The following FAT4 variants were observed in gnomAD, a reference collection of about 807,000 sequenced individuals.
The protein encoded by FAT4 is protocadherin Fat 4.
A neutral mutation model predicts 303.9 loss-of-function variants in FAT4; 84 were observed. That is an observed-to-expected ratio of 0.28 (90% CI 0.23 to 0.33). The LOEUF (loss-of-function observed/expected upper bound fraction) is 0.33. FAT4 is among the 10% of genes least tolerant of loss of function. The pLI is 1.00. For missense variants in FAT4, 6,005 were observed against 6,146.8 expected (o/e 0.98, Z 0.77); for synonymous variants, 2,307 against 2,298.8 (o/e 1.00, Z -0.10).
At position 125,449,078 on chromosome 4, in the gene FAT4, C is replaced by G; in HGVS notation, c.8068C>G (p.Leu2690Val). 1 of 1,613,878 alleles carries G rather than the reference C, an allele frequency of 6.2e-7. No individual in the cohort carries two copies. Among genetic ancestry groups the G allele is most frequent in the Admixed American group, 1.7e-5 (1 of 59,994 alleles). The change falls in exon 10 of 18, where the codon CTT becomes GTT. Residue 2690 changes from leucine (L) to valine (V), a missense_variant. Physicochemically the swap from Leu to Val is conservative, Grantham distance 32. Transcript: ENST00000394329. ...ILENLSPRKI[L>V]TVSAMDKDSG... ...GGAAAACCTTTCCCCTCGAAAAATA[C>G]TTACTGTTTCGGCAATGGACAAGGA... is the stretch of plus-strand genomic sequence containing the variant.
intron 6 of FAT4, 44 bp from the exon 7 acceptor site, chr4:125,416,404 G>A: frequency 1.3e-6 from 2 of 1,481,718 alleles, no homozygotes; most frequent in Non-Finnish European, 1.8e-6. Context: ...TTCATGAGAT[G>A]CATTGTTTGT....
chr4:125,412,936 A>C (rs997153941), intron 5 of FAT4, among the ~76,000 whole-genome samples: 5 of 151,796 alleles, frequency 3.3e-5, no homozygotes, highest in Non-Finnish European at 7.4e-5. Context: ...TTACTGATGA[A>C]CTTTTTTGTA....
At chr4:125,389,847 A>G (rs936756509) in intron 2 of FAT4, among the ~76,000 whole-genome samples, 13 of 152,236 alleles carry the variant, frequency 8.5e-5, no homozygotes, top group Non-Finnish European at 1.9e-4. Context: ...GCATACCTAC[A>G]TAGTCCAAAC....
In FAT4 at chr4:125,319,408, C is replaced by G; in HGVS notation, c.2997C>G (p.Leu999=). The change falls in exon 2 of 18, where the codon CTC becomes CTG. Residue 999 remains leucine, a synonymous_variant. Coordinates refer to ENST00000394329, the MANE Select transcript of FAT4 (RefSeq NM_001291303.3). The part of the protein sequence containing the change: ...VNDNSPVFDQ[L]SYEVTLSESE... ...ACAATTCACCAGTGTTTGACCAACT[C>G]TCTTATGAAGTCACCCTTTCTGAGT... is the stretch of plus-strand genomic sequence containing the variant. The G allele has an allele frequency of 6.2e-7, 1 of 1,613,542 alleles. No homozygotes were observed. The highest frequency in any genetic ancestry group is 8.5e-7 in the Non-Finnish European group (1 of 1,179,852).
At chr4:125,476,478 G>T (rs1578688079) in intron 13 of FAT4, among the ~76,000 whole-genome samples, 1 of 152,116 alleles carries the variant, frequency 6.6e-6, no homozygotes, top group Non-Finnish European at 1.5e-5. Context: ...TTGGAGAAAA[G>T]GAAATTAAAT....
rs1351895099 is a variant in FAT4, at chr4:125,452,184, A to G, written c.11174A>G (p.Lys3725Arg). Residue 3725 changes from lysine (K) to arginine (R), a missense_variant, in exon 10 of 18, where the codon AAG (lysine) becomes AGG (arginine). Lys to Arg is a conservative substitution (Grantham distance 26). Coordinates refer to ENST00000394329, the MANE Select transcript of FAT4 (RefSeq NM_001291303.3). Reference protein sequence around the residue: ...ILLRLGVPTVKDFLTNHYLHF... With the variant: ...ILLRLGVPTVRDFLTNHYLHF... ...CTTCGTCTCGGCGTACCAACAGTAA[A>G]GGACTTCTTGACCAACCACTATCTT... 4 of 1,614,128 alleles carry G rather than the reference A, an allele frequency of 2.5e-6. No individual in the cohort carries two copies. In the African/African-American group the frequency reaches 5.3e-5, roughly 22 times the overall value.
chr4:125,348,336 G>A (rs1732086296), intron 2 of FAT4, among the ~76,000 whole-genome samples: 1 of 151,628 alleles, frequency 6.6e-6, no homozygotes, highest in Admixed American at 6.6e-5. Flanking sequence ...AAAATAGTAG[G>A]GTGCCCACAT....
In FAT4 at chr4:125,481,741, G is replaced by A. The variant is rs759341848; in HGVS notation, c.12822+3G>A. 13 of 1,613,166 alleles carry A rather than the reference G, an allele frequency of 8.1e-6. No homozygotes were observed. Among genetic ancestry groups the A allele is most frequent in the Non-Finnish European group, 3.4e-6 (4 of 1,179,302 alleles). On this transcript the variant is annotated splice_donor_region_variant and intron_variant, in intron 16 of 17. Transcript: ENST00000394329. Reference sequence around the variant, plus strand: ...GCAGCAATTACACTACTGTGAAGGTGAGATAAAAGCTAATGGTGACTTCAT... The same window carrying A: ...GCAGCAATTACACTACTGTGAAGGTAAGATAAAAGCTAATGGTGACTTCAT...
rs752356296 is a variant in FAT4 at position 125,317,537 on chromosome 4, G to C, written c.1126G>C (p.Val376Leu). 2 of 1,613,930 alleles carry C rather than the reference G, an allele frequency of 1.2e-6. No homozygotes were observed. Among genetic ancestry groups the C allele is most frequent in the Middle Eastern group, 1.6e-4 (1 of 6,062 alleles). ...SVDENAQVGT[V>L]VALLTVTDAD... Reference sequence around the variant, plus strand: ...AGATGAGAATGCTCAAGTGGGCACCGTGGTGGCTCTGCTCACCGTGACGGA... The same window carrying C: ...AGATGAGAATGCTCAAGTGGGCACCCTGGTGGCTCTGCTCACCGTGACGGA... Residue 376 changes from valine (V) to leucine (L), a missense_variant, in exon 2 of 18, where the codon GTG becomes CTG. Physicochemically the swap from Val to Leu is conservative, Grantham distance 32. Transcript: ENST00000394329. This position sits in a 1 kb window ranked among gnomAD's most constrained non-coding sequence, Gnocchi z 7.0.
chr4:125,401,204 ACT>A (rs1193132524), intron 3 of FAT4, among the ~76,000 whole-genome samples: 24 of 151,996 alleles, frequency 1.6e-4, no homozygotes, highest in Non-Finnish European at 2.5e-4. Flanking sequence ...ACTGACTATA[ACT>A]CTTGACACGA....
At position 125,415,452 on chromosome 4, in the gene FAT4, T is replaced by G. The variant is rs1429754500; in HGVS notation, c.6489T>G (p.Ile2163Met). ...IFAQALYKVE[I>M]NENTLTGTDI... Reference sequence around the variant, plus strand: ...CACAAGCTTTGTATAAAGTGGAGATTAATGAAAACACACTTACTGGAACAG... The same window carrying G: ...CACAAGCTTTGTATAAAGTGGAGATGAATGAAAACACACTTACTGGAACAG... Residue 2163 changes from isoleucine to methionine, a missense_variant, in exon 6 of 18, where the codon ATT becomes ATG. Coordinates refer to ENST00000394329, the MANE Select transcript of FAT4 (RefSeq NM_001291303.3). The G allele has an allele frequency of 6.2e-7, 1 of 1,614,072 alleles. No individual in the cohort carries two copies. Among genetic ancestry groups the G allele is most frequent in the Non-Finnish European group, 8.5e-7 (1 of 1,179,980 alleles).
At chr4:125,439,248 C>G (rs1291057481) in intron 8 of FAT4, among the ~76,000 whole-genome samples, 3 of 152,110 alleles carry the variant, frequency 2.0e-5, no homozygotes, top group Non-Finnish European at 4.4e-5. Flanking sequence ...TCTATTCAAG[C>G]CCCACTTCTA....
rs762694598 is a variant in FAT4 at position 125,446,326 on chromosome 4, G to A, written c.7233G>A (p.Thr2411=). 2.8e-5 allele frequency: 45 copies of A among 1,612,976 alleles called. No individual in the cohort carries two copies. In the East Asian group the frequency reaches 4.7e-4, roughly 17 times the overall value. ...TCATCGGTGGAAACTCTCAGTTCACGATCAACCCATCGACAGGACAAATCA... is the reference window on the plus strand; with the variant it reads ...TCATCGGTGGAAACTCTCAGTTCACAATCAACCCATCGACAGGACAAATCA... The part of the protein sequence containing the change: ...YRIIGGNSQF[T]INPSTGQIIT... The change falls in exon 9 of 18, where the codon ACG becomes ACA. Residue 2411 remains threonine, a synonymous_variant. Transcript: ENST00000394329.
chr4:125,459,554 G>A (rs1019143011), intron 10 of FAT4, among the ~76,000 whole-genome samples: 1 of 152,010 alleles, frequency 6.6e-6, no homozygotes, highest in African/African-American at 2.4e-5. Flanking sequence ...ATGATAAATA[G>A]TGTATGGCAA....
At chr4:125,386,424 C>T (rs980811993) in intron 2 of FAT4, among the ~76,000 whole-genome samples, 1 of 151,990 alleles carries the variant, frequency 6.6e-6, no homozygotes, top group African/African-American at 2.4e-5. Flanking sequence ...ATTACAGGTG[C>T]ACACCTGGCT....
At position 125,450,126 on chromosome 4, in the gene FAT4, A is replaced by G. The variant is rs770247312; in HGVS notation, c.9116A>G (p.Asp3039Gly). The change falls in exon 10 of 18, where the codon GAT (aspartate) becomes GGT (glycine). Residue 3039 changes from aspartate to glycine, a missense_variant. By Grantham distance (94) the Asp-to-Gly change is moderately conservative. Transcript: ENST00000394329. ...TTAGGAAAATTTAAGTTGGACAATGATACGGGGTGGATTTCAGTAGCATCC... is the reference window on the plus strand; with the variant it reads ...TTAGGAAAATTTAAGTTGGACAATGGTACGGGGTGGATTTCAGTAGCATCC... ...NHLGKFKLDN[D>G]TGWISVASSL... The G allele has an allele frequency of 6.2e-7, 1 of 1,613,686 alleles. No homozygotes were observed.
At chr4:125,446,646 C>G in intron 9 of FAT4, 103 bp downstream of exon 9, 1 of 1,192,456 alleles carries the variant, frequency 8.4e-7, no homozygotes, top group Non-Finnish European at 1.1e-6. Context: ...TCTGATATAG[C>G]CTAATTTTGC....
rs2126097003 is a variant in FAT4 at position 125,490,510 on chromosome 4, C to T, written c.13694C>T (p.Pro4565Leu). 1 of 1,614,112 alleles carries T rather than the reference C, an allele frequency of 6.2e-7. No homozygotes were observed. The highest frequency in any genetic ancestry group is 8.5e-7 in the Non-Finnish European group (1 of 1,180,018). ...GCTTTTGATGACCCTGACAATATCCCTCCCTATGGGGATGACATGACTGTG... is the reference window on the plus strand; with the variant it reads ...GCTTTTGATGACCCTGACAATATCCTTCCCTATGGGGATGACATGACTGTG... The part of the protein sequence containing the change: ...NVAFDDPDNI[P>L]PYGDDMTVRK... The change falls in exon 18 of 18, where the codon CCT (proline) becomes CTT (leucine). Residue 4565 changes from proline (P) to leucine (L), a missense_variant. By Grantham distance (98) the Pro-to-Leu change is moderately conservative (BLOSUM62 -3). Transcript: ENST00000394329.
In FAT4 at chr4:125,320,653, T is replaced by A. The variant is rs1730899765; in HGVS notation, c.4242T>A (p.Asn1414Lys). ...TGGTTATTCACGTGAGGGACTTTAA[T>A]GACAATCCTCCTAGCTTTCCTCCTG... is the stretch of plus-strand genomic sequence containing the variant. ...MSVVIHVRDF[N>K]DNPPSFPPGD... Residue 1414 changes from asparagine to lysine, a missense_variant, in exon 2 of 18, where the codon AAT becomes AAA. Physicochemically the swap from Asn to Lys is moderately conservative, Grantham distance 94. Transcript: ENST00000394329. 2 of 1,614,108 alleles carry A rather than the reference T, an allele frequency of 1.2e-6. No individual in the cohort carries two copies. Among genetic ancestry groups the A allele is most frequent in the Non-Finnish European group, 8.5e-7 (1 of 1,179,944 alleles).
Sources: gnomAD v4.1 joint callset for allele counts (sites outside exome capture counted in the v4.1 genomes callset) on GRCh38, gnomAD v4.1.1 for gene constraint, Gnocchi (gnomAD v3.1) non-coding constraint, MANE v1.5 for transcripts, NCBI Gene and HGNC (gene_info 2026-07-23, HGNC 2026-07-21) for gene names.